The following CREB5 variants were observed in gnomAD, a reference collection of about 807,000 sequenced individuals.
The protein encoded by CREB5 is cyclic AMP-responsive element-binding protein 5.
In CREB5, 19 loss-of-function variants were observed where a neutral mutation model predicts 57.1. The observed-to-expected ratio is 0.33, with a 90% CI of 0.23 to 0.49. CREB5 has a LOEUF of 0.49. Ranked by LOEUF, CREB5 falls within the 20% of genes least tolerant of loss-of-function variation. CREB5 has a pLI of 0.99. For synonymous variants in CREB5, 238 were observed against 238.3 expected, an observed-to-expected ratio of 1.00 and a Z score of 0.01; for missense variants, 579 against 671.6, an observed-to-expected ratio of 0.86 and a Z score of 1.52.
intron 5 of CREB5, among the ~76,000 whole-genome samples, chr7:28,601,855 G>A (rs1445989453): frequency 2.6e-5 from 4 of 152,146 alleles, no homozygotes; most frequent in African/African-American, 7.2e-5. Flanking sequence ...AGCCATTGAA[G>A]CATTACTATA....
At chr7:28,697,527 G>A (rs1338916628) in intron 5 of CREB5, among the ~76,000 whole-genome samples, 1 of 148,550 alleles carries the variant, frequency 6.7e-6, no homozygotes, top group Non-Finnish European at 1.5e-5. Context: ...AGAGGTCCTT[G>A]CAACAAAATC....
At chr7:28,777,103 C>G (rs62442196) in intron 7 of CREB5, among the ~76,000 whole-genome samples, 1 of 152,160 alleles carries the variant, frequency 6.6e-6, no homozygotes, top group Non-Finnish European at 1.5e-5. Context: ...TCTGTTCAAT[C>G]TTTTGAGGAC....
At chr7:28,408,436 GGCCGGATACTGGAGA>G (rs1450524915), upstream of CREB5, among the ~76,000 whole-genome samples, 1 of 152,148 alleles carries the variant, frequency 6.6e-6, no homozygotes, top group African/African-American at 2.4e-5. Flanking sequence ...TGATGGTGAC[GGCCGGATACTGGAGA>G]CGCCAGGCTC....
At chr7:28,455,473 A>C (rs1790052333) in intron 1 of CREB5, among the ~76,000 whole-genome samples, 1 of 152,264 alleles carries the variant, frequency 6.6e-6, no homozygotes, top group African/African-American at 2.4e-5. Context: ...TTTGAAGAAA[A>C]TAGCGACTAG....
At chr7:28,310,772 C>T in intron 1 of CREB5, among the ~76,000 whole-genome samples, 1 of 152,128 alleles carries the variant, frequency 6.6e-6, no homozygotes, top group East Asian at 1.9e-4. Flanking sequence ...TCATTTTTAC[C>T]TCTACGTGCT....
In CREB5 at chr7:28,799,900, A is replaced by G. The variant is rs554369031; in HGVS notation, c.703-4299A>G. On this transcript the variant is annotated intron_variant, in intron 7 of 10. Coordinates refer to ENST00000357727, the MANE Select transcript of CREB5 (RefSeq NM_182898.4). The stretch of plus-strand genomic sequence containing the variant: ...AAAATCATCCTCCCACATAAATACC[A>G]GCTACAGTGATCCAAGATTAAAATG... 4.6e-5 allele frequency among the ~76,000 whole-genome samples: 7 copies of G among 152,334 alleles called. No homozygotes were observed. The South Asian group carries it at 1.0e-3, about 23-fold the overall frequency.
chr7:28,447,983 G>T lies in CREB5; in HGVS notation c.3+35066G>T, dbSNP rs150520330. On this transcript the variant is annotated intron_variant, in intron 1 of 10. Transcript: ENST00000357727. ...ACTTGATTGGATTGAAGGATACAAAGTATTGATCCTGGGTGTGTCTGTGAG... is the reference window on the plus strand; with the variant it reads ...ACTTGATTGGATTGAAGGATACAAATTATTGATCCTGGGTGTGTCTGTGAG... Among the ~76,000 whole-genome samples the T allele has an allele frequency of 1.8e-3, 277 of 152,340 alleles. 1 individual carries two copies. Among genetic ancestry groups the T allele is most frequent in the African/African-American group, 6.2e-3 (256 of 41,570 alleles).
At chr7:28,445,266 G>T (rs1340886313) in intron 1 of CREB5, among the ~76,000 whole-genome samples, 1 of 152,118 alleles carries the variant, frequency 6.6e-6, no homozygotes, top group Non-Finnish European at 1.5e-5. Context: ...AGCAGTGTGA[G>T]AACCGACTAA....
At position 28,320,169 on chromosome 7, in the gene CREB5, G is replaced by T. The variant is rs183781975; in HGVS notation, c.-25+20728G>T. Among the ~76,000 whole-genome samples the T allele has an allele frequency of 5.3e-3, 804 of 152,158 alleles. 2 individuals are homozygous for T. The highest frequency in any genetic ancestry group is 7.4e-3 in the Non-Finnish European group (503 of 68,000). On this transcript the variant is annotated intron_variant, in intron 1 of 9. Coordinates refer to the CREB5 transcript ENST00000396299. The stretch of plus-strand genomic sequence containing the variant: ...TGGTCTCGAACACCTGACCTCAAGT[G>T]GTCTGCTTGCCTCGGCCTCGGATAT...
chr7:28,384,665 T>C (rs1787047440), intron 1 of CREB5, among the ~76,000 whole-genome samples: 1 of 151,714 alleles, frequency 6.6e-6, no homozygotes. Context: ...CTAGATGCAG[T>C]CAGAGAAGGA....
chr7:28,656,117 C>T (rs186633022), intron 5 of CREB5, among the ~76,000 whole-genome samples: 3 of 152,264 alleles, frequency 2.0e-5, no homozygotes, highest in Admixed American at 1.3e-4. Flanking sequence ...AAATTCAGCC[C>T]AGCTTTACCC....
chr7:28,748,749 C>T (rs926955402), intron 7 of CREB5, among the ~76,000 whole-genome samples: 21 of 152,150 alleles, frequency 1.4e-4, no homozygotes, highest in Non-Finnish European at 2.8e-4. Flanking sequence ...GCACAGGCCC[C>T]AGCGTGCAAT....
chr7:28,490,595 A>AT (rs1027883358), intron 2 of CREB5, among the ~76,000 whole-genome samples: 4 of 152,352 alleles, frequency 2.6e-5, no homozygotes, highest in Admixed American at 2.6e-4. Flanking sequence ...CACCGTTAAT[A>AT]TTTGGGGGCT....
At chr7:28,449,450 C>T (rs959201407) in intron 1 of CREB5, among the ~76,000 whole-genome samples, 4 of 152,158 alleles carry the variant, frequency 2.6e-5, no homozygotes, top group African/African-American at 4.8e-5. Flanking sequence ...AACTTTCCAT[C>T]GTTTTGCGTA....
At chr7:28,754,325 G>C (rs1411770333) in intron 7 of CREB5, among the ~76,000 whole-genome samples, 1 of 152,220 alleles carries the variant, frequency 6.6e-6, no homozygotes. Context: ...TGATGGCACT[G>C]TGTGTCATGA....
intron 1 of CREB5, among the ~76,000 whole-genome samples, chr7:28,437,358 T>G (rs2128558842): frequency 6.6e-6 from 1 of 151,182 alleles, no homozygotes; most frequent in Non-Finnish European, 1.5e-5. Context: ...GGATTCACTC[T>G]CTGTCATGGG....
At chr7:28,789,608 T>A (rs534902715) in intron 7 of CREB5, among the ~76,000 whole-genome samples, 1 of 152,300 alleles carries the variant, frequency 6.6e-6, no homozygotes, top group East Asian at 1.9e-4. Context: ...AATTGTGAGA[T>A]CAAAATTAAG....
chr7:28,475,457 G>A (rs1791030589), intron 1 of CREB5, among the ~76,000 whole-genome samples: 1 of 138,158 alleles, frequency 7.2e-6, no homozygotes. Flanking sequence ...TGGGCTATTT[G>A]GGGAATAAAG....
intron 1 of CREB5, among the ~76,000 whole-genome samples, chr7:28,328,465 ATGAC>A (rs1269960360): frequency 2.6e-5 from 4 of 152,324 alleles, no homozygotes; most frequent in East Asian, 1.9e-4. Context: ...GTGTGAATGA[ATGAC>A]TAAGTGCTGT....
Sources: gnomAD v4.1 joint callset for allele counts (sites outside exome capture counted in the v4.1 genomes callset) on GRCh38, gnomAD v4.1.1 for gene constraint, MANE v1.5 for transcripts, NCBI Gene and HGNC (gene_info 2026-07-23, HGNC 2026-07-21) for gene names.